Variants in CIT observed in about 807,000 individuals in gnomAD.
CIT encodes the protein citron rho-interacting serine/threonine kinase.
CIT carries 79 observed loss-of-function variants against 272.7 expected under a neutral mutation model. That is an observed-to-expected ratio of 0.29 (90% CI 0.24 to 0.35). The LOEUF (loss-of-function observed/expected upper bound fraction) is 0.35. CIT is among the 10% of genes least tolerant of loss of function. The pLI, the probability that CIT is intolerant of heterozygous loss-of-function variation, is 1.00. For missense variants in CIT, 1,909 were observed against 2,618.3 expected, an observed-to-expected ratio of 0.73 and a Z score of 5.91; for synonymous variants, 948 against 995.6, an observed-to-expected ratio of 0.95 and a Z score of 0.90.
intron 20 of CIT, among the ~76,000 whole-genome samples, 194 bp from the exon 21 acceptor site, chr12:119,758,894 G>C (rs1163761073): frequency 6.6e-6 from 1 of 152,152 alleles, no homozygotes; most frequent in Non-Finnish European, 1.5e-5. Flanking sequence ...TTTCAGTGAT[G>C]AAATCTCCCC....
Position 119,728,674 on chromosome 12 carries a change from T to G in CIT, c.3487-68A>C, listed in dbSNP as rs1298240756. 1.6e-5 allele frequency: 17 copies of G among 1,081,360 alleles called. No individual in the cohort carries two copies. The highest frequency in any genetic ancestry group is 6.0e-5 in the Admixed American group (3 of 50,046). 67.0% of individuals were successfully genotyped at this position (1,081,360 alleles called of 1,614,324 possible). ...GTTAGATGCTGACAACGTTTATGAATGTCCACGAACCTTCACGGAGAAAGA... is the reference window on the plus strand; with the variant it reads ...GTTAGATGCTGACAACGTTTATGAAGGTCCACGAACCTTCACGGAGAAAGA... On this transcript the variant is annotated intron_variant, in intron 27 of 47. Transcript: ENST00000392521. The surrounding 1 kb of genome is among the most constrained non-coding windows in gnomAD (Gnocchi z 4.3).
intron 10 of CIT, among the ~76,000 whole-genome samples, chr12:119,791,031 TATTATTCATGGC>T (rs1418432048): frequency 6.6e-6 from 1 of 152,172 alleles, no homozygotes; most frequent in African/African-American, 2.4e-5. Context: ...ATAAGATGGG[TATTATTCATGGC>T]ATTAAGGAGG....
At chr12:119,726,385 A>AT (rs3999547) in intron 28 of CIT, among the ~76,000 whole-genome samples, 1,455 of 101,430 alleles carry the variant, frequency 0.014, 206 homozygotes, top group African/African-American at 0.031. Flanking sequence ...CACTTGGCTA[A>AT]TTTTTTTTTT....
chr12:119,761,712 T>G (rs940437752), intron 19 of CIT, among the ~76,000 whole-genome samples: 1 of 151,806 alleles, frequency 6.6e-6, no homozygotes, highest in Non-Finnish European at 1.5e-5. Context: ...CTGATCCAAC[T>G]AGGGGGAGAA....
intron 23 of CIT, among the ~76,000 whole-genome samples, chr12:119,746,307 G>C (rs1959392045): frequency 6.6e-6 from 1 of 152,126 alleles, no homozygotes; most frequent in Non-Finnish European, 1.5e-5. Context: ...CCCTTCTAAA[G>C]CAAAAGCAGC....
At chr12:119,805,840 GGAA>G (rs995962360) in intron 9 of CIT, among the ~76,000 whole-genome samples, 42 of 152,126 alleles carry the variant, frequency 2.8e-4, no homozygotes, top group African/African-American at 8.4e-4. Context: ...CAAGTTAAAA[GGAA>G]GAAGAAGTAG....
intron 5 of CIT, among the ~76,000 whole-genome samples, chr12:119,842,388 CAAAAAAAA>C (rs58634070): frequency 0.059 from 4,204 of 71,610 alleles, 232 homozygotes; most frequent in African/African-American, 0.2. Context: ...GACTGCATCT[CAAAAAAAA>C]AAAAAAAAAA....
Position 119,694,952 on chromosome 12 carries a change from G to A in CIT, c.5882+2707C>T, listed in dbSNP as rs922935585. Among the ~76,000 whole-genome samples, 1 of 152,194 alleles carries A rather than the reference G, an allele frequency of 6.6e-6. No homozygotes were observed. Among genetic ancestry groups the A allele is most frequent in the Non-Finnish European group, 1.5e-5 (1 of 68,030 alleles). On this transcript the variant is annotated intron_variant, in intron 46 of 47. Coordinates refer to ENST00000392521, the MANE Select transcript of CIT (RefSeq NM_001206999.2). The surrounding 1 kb of genome is among the most constrained non-coding windows in gnomAD (Gnocchi z 4.5). ...CAGTTGTCAAAATCAACTTTTCAGA[G>A]CTCTAGAAATTAACCCTAGCCCTTT...
At chr12:119,790,089 C>A (rs61945557) in intron 10 of CIT, among the ~76,000 whole-genome samples, 5,762 of 152,196 alleles carry the variant, frequency 0.038, 150 homozygotes, top group Non-Finnish European at 0.054. Context: ...CTGATAATTG[C>A]ATTATGCTAA....
Position 119,768,996 on chromosome 12 carries a change from T to C in CIT, c.2208+1789A>G, listed in dbSNP as rs1489924798. On this transcript the variant is annotated intron_variant, in intron 18 of 47. Coordinates refer to ENST00000392521, the MANE Select transcript of CIT (RefSeq NM_001206999.2). The surrounding 1 kb of genome is among the most constrained non-coding windows in gnomAD (Gnocchi z 4.3). Reference sequence around the variant, plus strand: ...AATGAAGTCACAACCACAAAGGTACTCCGGCGGGTGGCAAGATACACTCGG... The same window carrying C: ...AATGAAGTCACAACCACAAAGGTACCCCGGCGGGTGGCAAGATACACTCGG... Among the ~76,000 whole-genome samples, 1 of 152,068 alleles carries C rather than the reference T, an allele frequency of 6.6e-6. No individual in the cohort carries two copies. The highest frequency in any genetic ancestry group is 2.4e-5 in the African/African-American group (1 of 41,408).
chr12:119,737,043 T>G (rs1958805543), intron 24 of CIT, among the ~76,000 whole-genome samples: 1 of 152,182 alleles, frequency 6.6e-6, no homozygotes, highest in Non-Finnish European at 1.5e-5. Flanking sequence ...TTTTAATTAT[T>G]TTAATTTTCT....
Position 119,701,671 on chromosome 12 carries a change from T to G in CIT, c.5495A>C (p.Gln1832Pro). The G allele has an allele frequency of 1.2e-6, 2 of 1,614,236 alleles. No individual in the cohort carries two copies. The highest frequency in any genetic ancestry group is 1.7e-6 in the Non-Finnish European group (2 of 1,180,042). ...SSNSFPVSIV[Q>P]VNSAGQREEY... ...CTCTCGCTGCCCTGCGCTGTTCACCTGCACGATTGAGACAGGGAAGCTGTT... is the reference window on the plus strand; with the variant it reads ...CTCTCGCTGCCCTGCGCTGTTCACCGGCACGATTGAGACAGGGAAGCTGTT... The change falls in exon 43 of 48, where the codon CAG becomes CCG. Residue 1832 changes from glutamine (Q) to proline (P), a missense_variant. Physicochemically the swap from Gln to Pro is moderately conservative, Grantham distance 76. This residue lies in a region of CIT where 780 missense variants were observed against 1,067.2 expected (regional missense o/e 0.73). Transcript: ENST00000392521.
At chr12:119,872,080 T>A (rs1233939023) in intron 2 of CIT, among the ~76,000 whole-genome samples, 1 of 152,074 alleles carries the variant, frequency 6.6e-6, no homozygotes, top group African/African-American at 2.4e-5. Context: ...GAACACCACA[T>A]GATATCTTTT....
At position 119,713,217 on chromosome 12, in the gene CIT, T is replaced by C. The variant is rs1957266143; in HGVS notation, c.4565A>G (p.Asn1522Ser). 1.2e-6 allele frequency: 2 copies of C among 1,613,878 alleles called. No homozygotes were observed. The highest frequency in any genetic ancestry group is 2.7e-5 in the African/African-American group (2 of 75,050). Residue 1522 changes from asparagine (N) to serine (S), a missense_variant, in exon 35 of 48, where the codon AAT (asparagine) becomes AGT (serine). Physicochemically the swap from Asn to Ser is conservative, Grantham distance 46 (BLOSUM62 1). Transcript: ENST00000392521. This position sits in a 1 kb window ranked among gnomAD's most constrained non-coding sequence, Gnocchi z 5.2. Reference sequence around the variant, plus strand: ...TATTAATTTACCTTCTCTGGCTTCATTGTCATAAATGAGGACTTTTGATCC... The same window carrying C: ...TATTAATTTACCTTCTCTGGCTTCACTGTCATAAATGAGGACTTTTGATCC... Reference protein sequence around the residue: ...LEGSKVLIYDNEAREAGQRPV... With the variant: ...LEGSKVLIYDSEAREAGQRPV...
In CIT at chr12:119,770,723, C is replaced by T; in HGVS notation, c.2208+62G>A. The T allele has an allele frequency of 6.3e-7, 1 of 1,597,420 alleles. No homozygotes were observed. Among genetic ancestry groups the T allele is most frequent in the Non-Finnish European group, 8.6e-7 (1 of 1,168,214 alleles). ...GTGGCGGTTAATTCTTCTTCTTACC[C>T]CCTTCCCTTTGCAAACTCTAACCTG... is the stretch of plus-strand genomic sequence containing the variant. On this transcript the variant is annotated intron_variant, in intron 18 of 47. Transcript: ENST00000392521. This position sits in a 1 kb window ranked among gnomAD's most constrained non-coding sequence, Gnocchi z 4.4.
Position 119,784,883 on chromosome 12 carries a change from C to A in CIT, c.1401+77G>T. 2 of 1,560,218 alleles carry A rather than the reference C, an allele frequency of 1.3e-6. No homozygotes were observed. The highest frequency in any genetic ancestry group is 1.7e-6 in the Non-Finnish European group (2 of 1,152,836). On this transcript the variant is annotated intron_variant, in intron 11 of 47. Coordinates refer to ENST00000392521, the MANE Select transcript of CIT (RefSeq NM_001206999.2). This position sits in a 1 kb window ranked among gnomAD's most constrained non-coding sequence, Gnocchi z 4.7. ...TCAGGCGGCTCAGAGCCAGCAGCGG[C>A]CCCGGGCGGATCCCTTGGCATATAC... is the stretch of plus-strand genomic sequence containing the variant.
At chr12:119,853,026 C>A (rs1208300648) in intron 4 of CIT, among the ~76,000 whole-genome samples, 1 of 151,812 alleles carries the variant, frequency 6.6e-6, no homozygotes, top group African/African-American at 2.4e-5. Context: ...TCTTAAGAAC[C>A]CTGACTACAT....
Position 119,768,415 on chromosome 12 carries a change from C to CT in CIT, c.2209-1234dup, listed in dbSNP as rs1404410474. 6.6e-6 allele frequency among the ~76,000 whole-genome samples: 1 copy of CT among 152,154 alleles called. No homozygotes were observed. The highest frequency in any genetic ancestry group is 1.5e-5 in the Non-Finnish European group (1 of 68,024). On this transcript the variant is annotated intron_variant, in intron 18 of 47. Transcript: ENST00000392521. The surrounding 1 kb of genome is among the most constrained non-coding windows in gnomAD (Gnocchi z 4.3). ...AAGTCATTACTCCAAGTTTTCAACT[C>CT]TTTATACTATTATGAAATTTTTCTT...
intron 41 of CIT, among the ~76,000 whole-genome samples, chr12:119,702,882 T>TATGCAGTC (rs11281913): frequency 0.048 from 7,240 of 152,236 alleles, 547 homozygotes; most frequent in African/African-American, 0.17. Flanking sequence ...CTATATTACC[T>TATGCAGTC]ATGCAGTCAT....
Sources: gnomAD v4.1 joint callset for allele counts (sites outside exome capture counted in the v4.1 genomes callset) on GRCh38, gnomAD v4.1.1 for gene constraint, gnomAD v4.1.1 regional missense constraint, Gnocchi (gnomAD v3.1) non-coding constraint, MANE v1.5 for transcripts, NCBI Gene and HGNC (gene_info 2026-07-23, HGNC 2026-07-21) for gene names.